Variants in KAZN observed in about 807,000 individuals in gnomAD.
The protein encoded by KAZN is kazrin, periplakin interacting protein, also known as kazrin.
In KAZN, 40 loss-of-function variants were observed where a neutral mutation model predicts 87.4. The ratio of observed to expected loss-of-function variants is 0.46; its 90% CI spans 0.36 to 0.60. KAZN has a LOEUF of 0.60. Among genes scored for constraint, KAZN ranks in the 20% least tolerant of loss-of-function variants. The pLI is 0.00. For synonymous variants in KAZN, 466 were observed against 458.3 expected (o/e 1.02, Z -0.22); for missense variants, 898 against 1,073.9 (o/e 0.84, Z 2.29).
intron 13 of KAZN, 46 bp from the exon 14 acceptor site, chr1:15,112,381 A>T: frequency 1.1e-6 from 1 of 899,730 alleles, no homozygotes; most frequent in Non-Finnish European, 1.8e-6. Flanking sequence ...GTGTCTGGGG[A>T]GCTGACTGAG....
intron 1 of KAZN, among the ~76,000 whole-genome samples, chr1:13,926,627 G>A (rs2100920150): frequency 6.8e-6 from 1 of 146,954 alleles, no homozygotes; most frequent in East Asian, 2.0e-4. Flanking sequence ...ATGAAAATAA[G>A]AAAGGAAGAT....
intron 1 of KAZN, among the ~76,000 whole-genome samples, chr1:14,936,965 C>T (rs1286100124): frequency 6.6e-6 from 1 of 152,210 alleles, no homozygotes; most frequent in Non-Finnish European, 1.5e-5. Context: ...CTCATTCCTA[C>T]CCTTCACCTT....
chr1:14,969,166 C>T (rs1411108123), intron 2 of KAZN, among the ~76,000 whole-genome samples: 1 of 152,216 alleles, frequency 6.6e-6, no homozygotes, highest in East Asian at 1.9e-4. Flanking sequence ...TTGAATAGAA[C>T]GATGTGTCAT....
chr1:14,019,907 A>G (rs1428502809), intron 1 of KAZN, among the ~76,000 whole-genome samples: 1 of 152,136 alleles, frequency 6.6e-6, no homozygotes, highest in Non-Finnish European at 1.5e-5. Context: ...AGCACATTAC[A>G]TTTATCGTAC....
intron 1 of KAZN, among the ~76,000 whole-genome samples, chr1:14,155,163 G>T (rs970778826): frequency 6.6e-6 from 1 of 152,078 alleles, no homozygotes; most frequent in African/African-American, 2.4e-5. Flanking sequence ...CATCAAGTCT[G>T]GGCTTTTCTT....
chr1:13,927,129 C>T (rs376516283), intron 1 of KAZN, among the ~76,000 whole-genome samples: 11 of 152,222 alleles, frequency 7.2e-5, no homozygotes, highest in Admixed American at 2.6e-4. Flanking sequence ...ACCCAATTTC[C>T]GTGTTCTATA....
At chr1:15,110,445 ATG>A (rs1377168595) in intron 13 of KAZN, among the ~76,000 whole-genome samples, 13 of 139,800 alleles carry the variant, frequency 9.3e-5, no homozygotes, top group South Asian at 9.1e-4. Context: ...GTATTTGTGT[ATG>A]TGTGTATTTG....
At chr1:14,612,846 T>C (rs1476812529) in intron 1 of KAZN, among the ~76,000 whole-genome samples, 1 of 152,198 alleles carries the variant, frequency 6.6e-6, no homozygotes, top group East Asian at 1.9e-4. Flanking sequence ...GGGACTAACA[T>C]ACTGTGCCTG....
At chr1:14,685,572 A>G (rs1640906259) in intron 1 of KAZN, among the ~76,000 whole-genome samples, 1 of 152,266 alleles carries the variant, frequency 6.6e-6, no homozygotes, top group Non-Finnish European at 1.5e-5. Context: ...CTGCCTGAGC[A>G]TCTCTGCTCT....
intron 2 of KAZN, among the ~76,000 whole-genome samples, chr1:14,409,335 C>G (rs1664115194): frequency 1.3e-5 from 2 of 152,174 alleles, no homozygotes; most frequent in Admixed American, 1.3e-4. Context: ...AGTGTATCCA[C>G]ATGAAGCCAG....
At position 15,000,825 on chromosome 1, in the gene KAZN, C is replaced by T. The variant is rs373930745; in HGVS notation, c.419-33924C>T. 5.9e-5 allele frequency among the ~76,000 whole-genome samples: 9 copies of T among 152,118 alleles called. No individual in the cohort carries two copies. The East Asian group carries it at 1.3e-3, about 23-fold the overall frequency. On this transcript the variant is annotated intron_variant, in intron 2 of 14. Coordinates refer to ENST00000376030, the MANE Select transcript of KAZN (RefSeq NM_201628.3). ...CCTGGATTCAAATTCCAGCTTTGGC[C>T]GGGTGCAGTGGCTCACGCCTGTAAT...
intron 1 of KAZN, among the ~76,000 whole-genome samples, chr1:14,929,288 G>A (rs1415364057): frequency 6.6e-6 from 1 of 152,110 alleles, no homozygotes; most frequent in Non-Finnish European, 1.5e-5. Context: ...GAAATATTGG[G>A]ATTTACTCAA....
chr1:14,282,407 A>G (rs1007901445), intron 2 of KAZN, among the ~76,000 whole-genome samples: 1 of 152,228 alleles, frequency 6.6e-6, no homozygotes, highest in African/African-American at 2.4e-5. Flanking sequence ...ATTCCTGAGA[A>G]CACAGAAGCC....
At chr1:14,914,851 C>T (rs78582057) in intron 1 of KAZN, among the ~76,000 whole-genome samples, 1 of 151,294 alleles carries the variant, frequency 6.6e-6, no homozygotes, top group East Asian at 2.0e-4. Context: ...ATAGCAATAG[C>T]ACTTACATAG....
At chr1:14,897,277 A>G (rs1194122173) in intron 1 of KAZN, among the ~76,000 whole-genome samples, 2 of 152,198 alleles carry the variant, frequency 1.3e-5, no homozygotes, top group Admixed American at 1.3e-4. Context: ...ATTGGGTCAC[A>G]TGCCCATGCC....
chr1:13,979,733 CCT>C (rs1638563056), intron 1 of KAZN, among the ~76,000 whole-genome samples: 1 of 152,030 alleles, frequency 6.6e-6, no homozygotes. Flanking sequence ...TCGAGACCAT[CCT>C]GGCTAACATG....
chr1:14,136,104 C>G (rs1038752512), intron 1 of KAZN, among the ~76,000 whole-genome samples: 2 of 152,076 alleles, frequency 1.3e-5, no homozygotes, highest in Non-Finnish European at 2.9e-5. Context: ...GAAAACCCAT[C>G]AAGGCCTCAG....
chr1:14,883,318 A>AAGAGAGAGAGAGAGAGAGAGAGAGAG (rs1219653139), intron 1 of KAZN, among the ~76,000 whole-genome samples: 18 of 38,590 alleles, frequency 4.7e-4, no homozygotes, highest in East Asian at 3.6e-3. Flanking sequence ...GAAAGAAAGA[A>AAGAGAGAGAGAGAGAGAGAGAGAGAG]AGAGAGAGAG....
intron 2 of KAZN, among the ~76,000 whole-genome samples, chr1:14,228,648 T>G (rs995682530): frequency 1.3e-5 from 2 of 152,206 alleles, no homozygotes; most frequent in Non-Finnish European, 2.9e-5. Context: ...TCCCAGACTC[T>G]GGGAGAAGAT....
Sources: gnomAD v4.1 joint callset for allele counts (sites outside exome capture counted in the v4.1 genomes callset) on GRCh38, gnomAD v4.1.1 for gene constraint, MANE v1.5 for transcripts, NCBI Gene and HGNC (gene_info 2026-07-23, HGNC 2026-07-21) for gene names.